Variants in AK4 observed in about 807,000 individuals in gnomAD.
AK4 encodes adenylate kinase 4.
Under a neutral mutation model 24.6 loss-of-function variants are expected in AK4, and 13 were observed. The ratio of observed to expected loss-of-function variants is 0.53; its 90% CI spans 0.34 to 0.84. AK4 has a LOEUF of 0.84. Ranked by LOEUF, AK4 falls within the 40% of genes least tolerant of loss-of-function variation. AK4 has a pLI of 0.01. For synonymous variants in AK4, 88 were observed against 107.0 expected, an observed-to-expected ratio of 0.82 and a Z score of 1.10; for missense variants, 192 against 288.2, an observed-to-expected ratio of 0.67 and a Z score of 2.42.
At chr1:65,204,956 A>G (rs1651770663) in intron 2 of AK4, among the ~76,000 whole-genome samples, 1 of 152,218 alleles carries the variant, frequency 6.6e-6, no homozygotes, top group Non-Finnish European at 1.5e-5. Flanking sequence ...ATTGAAATGT[A>G]CACTTTAAAT....
chr1:65,148,074 C>A (rs1649624244), upstream of AK4: 1 of 275,072 alleles, frequency 3.6e-6, no homozygotes, highest in Non-Finnish European at 6.7e-6. Flanking sequence ...CTGGCCGGGC[C>A]GACCTCTGAC....
chr1:65,182,590 T>G (rs545143620), intron 1 of AK4, among the ~76,000 whole-genome samples: 2 of 152,310 alleles, frequency 1.3e-5, no homozygotes, highest in African/African-American at 4.8e-5. Flanking sequence ...AGTTGAGATT[T>G]GATCCTGAGA....
At position 65,154,365 on chromosome 1, in the gene AK4, A is replaced by G. The variant is rs537142944; in HGVS notation, c.145+5813A>G. ...GAATGAACTAGAATGTGTCTAACCA[A>G]TCTTTTGTGGAACATTTGGGTTATT... On this transcript the variant is annotated intron_variant, in intron 1 of 4. Coordinates refer to ENST00000327299, the MANE Select transcript of AK4 (RefSeq NM_013410.4). 8.5e-6 allele frequency: 3 copies of G among 353,920 alleles called. No individual in the cohort carries two copies. The Admixed American group carries it at 9.1e-5, about 11-fold the overall frequency. 21.9% of individuals were successfully genotyped at this position (353,920 alleles called of 1,614,324 possible).
intron 1 of AK4, among the ~76,000 whole-genome samples, chr1:65,182,536 A>G (rs981673978): frequency 6.6e-6 from 1 of 151,558 alleles, no homozygotes. Context: ...AGACATTCAG[A>G]TAAAAAAAAA....
intron 1 of AK4, among the ~76,000 whole-genome samples, chr1:65,158,722 G>A (rs1250750779): frequency 6.6e-6 from 1 of 152,056 alleles, no homozygotes; most frequent in Non-Finnish European, 1.5e-5. Context: ...CGCCAGGCTG[G>A]TCTTGAACTC....
chr1:65,185,316 T>C (rs1389358101), intron 1 of AK4, among the ~76,000 whole-genome samples: 1 of 152,202 alleles, frequency 6.6e-6, no homozygotes, highest in East Asian at 1.9e-4. Context: ...CAATTTGTAC[T>C]AGTCCCTACG....
intron 1 of AK4, among the ~76,000 whole-genome samples, chr1:65,153,439 T>G (rs1649867182): frequency 6.6e-6 from 1 of 152,086 alleles, no homozygotes; most frequent in Middle Eastern, 3.2e-3. Context: ...CCGGATAATT[T>G]CGTATTTTTT....
chr1:65,176,537 G>C (rs1210838972), intron 1 of AK4, among the ~76,000 whole-genome samples: 1 of 152,094 alleles, frequency 6.6e-6, no homozygotes, highest in Non-Finnish European at 1.5e-5. Flanking sequence ...TGAATGCCGG[G>C]AGACTCTCCT....
chr1:65,219,013 C>A, intron 3 of AK4, 87 bp downstream of exon 3: 1 of 1,022,804 alleles, frequency 9.8e-7, no homozygotes, highest in Non-Finnish European at 1.3e-6. Flanking sequence ...TATGAGTAGA[C>A]CATTCAAAAA....
At chr1:65,205,831 T>G (rs551723246) in intron 2 of AK4, among the ~76,000 whole-genome samples, 11 of 152,336 alleles carry the variant, frequency 7.2e-5, no homozygotes, top group African/African-American at 2.6e-4. Context: ...CTGTGTTTCC[T>G]TCTACTTTCA....
chr1:65,193,975 C>T (rs577238530), intron 2 of AK4, among the ~76,000 whole-genome samples: 1 of 152,124 alleles, frequency 6.6e-6, no homozygotes, highest in South Asian at 2.1e-4. Flanking sequence ...GCCTATAATC[C>T]CAGCTACTTG....
intron 1 of AK4, among the ~76,000 whole-genome samples, chr1:65,183,653 G>A (rs968706137): frequency 5.3e-4 from 1 of 1,898 alleles, no homozygotes; most frequent in African/African-American, 7.1e-4. Flanking sequence ...AAATATCCGT[G>A]TGTGTGTGTG....
At chr1:65,168,950 G>A (rs1650421526) in intron 1 of AK4, among the ~76,000 whole-genome samples, 1 of 152,162 alleles carries the variant, frequency 6.6e-6, no homozygotes, top group East Asian at 1.9e-4. Flanking sequence ...TGAGGTGGGA[G>A]GACCACTTGA....
At chr1:65,192,637 G>A (rs1227982856) in intron 2 of AK4, among the ~76,000 whole-genome samples, 2 of 152,172 alleles carry the variant, frequency 1.3e-5, no homozygotes, top group East Asian at 1.9e-4. Context: ...TCAGACATGG[G>A]TGAGACTTAT....
At chr1:65,206,128 G>A (rs1332883919) in intron 2 of AK4, among the ~76,000 whole-genome samples, 1 of 152,140 alleles carries the variant, frequency 6.6e-6, no homozygotes, top group Non-Finnish European at 1.5e-5. Flanking sequence ...GTATTTATGA[G>A]CATATTCGAT....
At chr1:65,154,290 T>C (rs1649897993) in intron 1 of AK4, among the ~76,000 whole-genome samples, 1 of 152,192 alleles carries the variant, frequency 6.6e-6, no homozygotes, top group African/African-American at 2.4e-5. Flanking sequence ...CTACAATGAA[T>C]CCTAGGGTTT....
rs1287240423 is a variant in AK4, at chr1:65,230,979, T to A, written c.*4802T>A. 1 of 152,250 alleles carries A rather than the reference T, an allele frequency of 6.6e-6. No individual in the cohort carries two copies. 9.4% of individuals were successfully genotyped at this position (152,250 alleles called of 1,614,324 possible). A position where few individuals can be genotyped will look rare whatever the true frequency, so the allele number is the denominator to read the frequency against. On this transcript the variant is annotated 3_prime_UTR_variant, in exon 5 of 5. Coordinates refer to ENST00000327299, the MANE Select transcript of AK4 (RefSeq NM_013410.4). ...TCATAAGGTGAGGTCCTGTTCATAG[T>A]ATGACTTGCTTTCTCAATATCTCCT... is the stretch of plus-strand genomic sequence containing the variant.
intron 2 of AK4, among the ~76,000 whole-genome samples, chr1:65,208,147 C>G (rs760749621): frequency 4.7e-4 from 71 of 152,220 alleles, no homozygotes; most frequent in Non-Finnish European, 7.5e-4. Flanking sequence ...TACATTCCCA[C>G]TAGCAGTGTG....
intron 1 of AK4, among the ~76,000 whole-genome samples, chr1:65,167,736 C>T (rs1251342100): frequency 6.6e-6 from 1 of 152,202 alleles, no homozygotes; most frequent in Admixed American, 6.5e-5. Context: ...CATTCTATAG[C>T]AGCTGACAGC....
Sources: gnomAD v4.1 joint callset for allele counts (sites outside exome capture counted in the v4.1 genomes callset) on GRCh38, gnomAD v4.1.1 for gene constraint, MANE v1.5 for transcripts, NCBI Gene and HGNC (gene_info 2026-07-23, HGNC 2026-07-21) for gene names.